FGF13: variants seen among roughly 807,000 people sequenced by gnomAD.
FGF13 encodes the protein fibroblast growth factor 13, also known as fibroblast growth factor homologous factor 2.
In FGF13, 2 loss-of-function variants were observed where a neutral mutation model predicts 19.5. The observed-to-expected ratio is 0.10, with a 90% CI of 0.04 to 0.32. The LOEUF (loss-of-function observed/expected upper bound fraction) is 0.32. Ranked by LOEUF, FGF13 falls within the 10% of genes least tolerant of loss-of-function variation. FGF13 has a pLI of 1.00. For synonymous variants in FGF13, 72 were observed against 76.9 expected (o/e 0.94, Z 0.33); for missense variants, 113 against 192.7 (o/e 0.59, Z 2.45).
chrX:138,772,948 T>C (rs2090559273), intron 3 of FGF13, among the ~76,000 whole-genome samples: 1 of 110,359 alleles, frequency 9.1e-6, no homozygotes, highest in Non-Finnish European at 1.9e-5. Flanking sequence ...CAAATCATAG[T>C]AGCATAGAAG....
chrX:138,873,066 G>A (rs188074940), intron 1 of FGF13, among the ~76,000 whole-genome samples: 314 of 111,540 alleles, frequency 2.8e-3, no homozygotes, highest in African/African-American at 9.5e-3. Context: ...TTTGTGCTCC[G>A]CTGCCACAAC....
At chrX:139,124,013 T>G (rs1004587604) in intron 1 of FGF13, among the ~76,000 whole-genome samples, 2 of 111,963 alleles carry the variant, frequency 1.8e-5, no homozygotes, top group African/African-American at 6.5e-5. Flanking sequence ...GTGGAGTTAT[T>G]CAAACCGACC....
chrX:139,111,046 A>G (rs1201680188), intron 1 of FGF13, among the ~76,000 whole-genome samples: 1 of 111,746 alleles, frequency 8.9e-6, no homozygotes, highest in Non-Finnish European at 1.9e-5. Context: ...TAAGTACCTA[A>G]TTAACAGCAC....
chrX:139,016,706 C>G (rs1368136989), intron 1 of FGF13, among the ~76,000 whole-genome samples: 2 of 111,306 alleles, frequency 1.8e-5, no homozygotes, highest in Non-Finnish European at 3.8e-5. Flanking sequence ...TGCCTCAGGG[C>G]CAATCACATG....
intron 1 of FGF13, among the ~76,000 whole-genome samples, chrX:138,952,702 A>G (rs1427175982): frequency 1.8e-5 from 2 of 112,062 alleles, no homozygotes; most frequent in Non-Finnish European, 3.8e-5. Context: ...AATATCCAGA[A>G]TCTACATTGA....
chrX:138,725,218 C>T (rs189891712), intron 1 of FGF13, among the ~76,000 whole-genome samples: 6 of 111,167 alleles, frequency 5.4e-5, no homozygotes, highest in Admixed American at 9.6e-5. Flanking sequence ...ATAAGTAATG[C>T]GGTATTATGG....
In FGF13 at chrX:139,045,544, C is replaced by T. The variant is rs139493295; in HGVS notation, c.-113+157872G>A. Among the ~76,000 whole-genome samples the T allele has an allele frequency of 9.5e-3, 1,070 of 112,645 alleles. 19 individuals carry two copies. Among genetic ancestry groups the T allele is most frequent in the African/African-American group, 0.032 (994 of 30,921 alleles). On this transcript the variant is annotated intron_variant, in intron 1 of 2. Coordinates refer to the FGF13 transcript ENST00000421460. Reference sequence around the variant, plus strand: ...TTTTACACTCTGCTTCCCTTTTAAACATACGTTCTAACTTAAGTCATTCCT... The same window carrying T: ...TTTTACACTCTGCTTCCCTTTTAAATATACGTTCTAACTTAAGTCATTCCT...
chrX:139,075,911 C>T lies in FGF13; in HGVS notation c.-113+127505G>A, dbSNP rs1355191303. 2.4e-4 allele frequency among the ~76,000 whole-genome samples: 3 copies of T among 12,728 alleles called. 1 individual carries two copies. The highest frequency in any genetic ancestry group is 1.8e-3 in the Admixed American group (3 of 1,622). 11.1% of individuals were successfully genotyped at this position (12,728 alleles called of 115,157 possible). A position where few individuals can be genotyped will look rare whatever the true frequency, so the allele number is the denominator to read the frequency against. On this transcript the variant is annotated intron_variant, in intron 1 of 2. Transcript: ENST00000421460. Reference sequence around the variant, plus strand: ...ACTGCGGACTGCAGTGGCGCAATCTCGGCTCACTGCAAGCTCCGCTTCCCG... The same window carrying T: ...ACTGCGGACTGCAGTGGCGCAATCTTGGCTCACTGCAAGCTCCGCTTCCCG...
chrX:138,946,014 T>C (rs1250602600), intron 1 of FGF13, among the ~76,000 whole-genome samples: 2 of 111,372 alleles, frequency 1.8e-5, no homozygotes, highest in Non-Finnish European at 3.8e-5. Flanking sequence ...GTTATGGTGG[T>C]TTAAAGCAAT....
At chrX:138,925,454 G>T (rs1455605357) in intron 1 of FGF13, among the ~76,000 whole-genome samples, 2 of 111,717 alleles carry the variant, frequency 1.8e-5, no homozygotes, top group Non-Finnish European at 3.8e-5. Flanking sequence ...CAACAGGAAG[G>T]TTGATTTATT....
At chrX:138,813,833 T>C (rs762315345) in intron 3 of FGF13, among the ~76,000 whole-genome samples, 2 of 111,514 alleles carry the variant, frequency 1.8e-5, no homozygotes, top group East Asian at 2.8e-4. Context: ...AGTATTCTCA[T>C]TGGTTTTGGT....
intron 1 of FGF13, among the ~76,000 whole-genome samples, chrX:139,073,302 T>C (rs1245351334): frequency 9.0e-6 from 1 of 110,653 alleles, no homozygotes; most frequent in Non-Finnish European, 1.9e-5. Context: ...GGAATGACTT[T>C]GGACAAGTCG....
intron 1 of FGF13, among the ~76,000 whole-genome samples, chrX:139,112,589 T>C (rs963131948): frequency 8.0e-5 from 9 of 111,985 alleles, no homozygotes; most frequent in African/African-American, 2.9e-4. Context: ...AGGCCCTGGA[T>C]CCAGTCACAA....
intron 1 of FGF13, among the ~76,000 whole-genome samples, chrX:138,966,302 C>T (rs956144289): frequency 7.1e-5 from 8 of 112,228 alleles, no homozygotes; most frequent in Non-Finnish European, 1.3e-4. Context: ...AAGCCACAGA[C>T]ACTCAATGCC....
intron 1 of FGF13, among the ~76,000 whole-genome samples, chrX:138,915,332 A>T (rs745738382): frequency 1.8e-5 from 2 of 111,924 alleles, no homozygotes; most frequent in South Asian, 7.6e-4. Flanking sequence ...ACTTATCCTC[A>T]TTATCAGATC....
intron 1 of FGF13, among the ~76,000 whole-genome samples, chrX:138,933,907 A>G (rs759747957): frequency 8.0e-5 from 9 of 112,185 alleles, no homozygotes. Flanking sequence ...AGAACCAGCC[A>G]TAGTAACTGT....
chrX:138,997,943 G>T (rs1035661716), intron 1 of FGF13, among the ~76,000 whole-genome samples: 1 of 111,289 alleles, frequency 9.0e-6, no homozygotes, highest in South Asian at 3.8e-4. Flanking sequence ...GAGAAAGGTC[G>T]GGTTACCCAC....
At chrX:138,889,967 C>T (rs1326359345) in intron 1 of FGF13, among the ~76,000 whole-genome samples, 4 of 106,769 alleles carry the variant, frequency 3.7e-5, no homozygotes, top group Non-Finnish European at 5.8e-5. Context: ...CTTACTCTAT[C>T]GCCCAGGCTG....
chrX:138,923,384 T>C (rs1250972921), intron 1 of FGF13, among the ~76,000 whole-genome samples: 1 of 112,164 alleles, frequency 8.9e-6, no homozygotes, highest in Admixed American at 9.5e-5. Flanking sequence ...ACTAACTTAC[T>C]AAAGGATCAA....
Sources: gnomAD v4.1 joint callset for allele counts (sites outside exome capture counted in the v4.1 genomes callset) on GRCh38, gnomAD v4.1.1 for gene constraint, MANE v1.5 for transcripts, NCBI Gene and HGNC (gene_info 2026-07-23, HGNC 2026-07-21) for gene names.